SOX5: variants seen among roughly 807,000 people sequenced by gnomAD.
SOX5 encodes the protein SRY-box transcription factor 5, also known as transcription factor SOX-5.
In SOX5, 9 loss-of-function variants were observed where a neutral mutation model predicts 92.0. The observed-to-expected ratio is 0.10, with a 90% CI of 0.06 to 0.17. The LOEUF (loss-of-function observed/expected upper bound fraction) is 0.17. Ranked by LOEUF, SOX5 falls within the 10% of genes least tolerant of loss-of-function variation. The pLI is 1.00. For synonymous variants in SOX5, 344 were observed against 336.3 expected (o/e 1.02, Z -0.25); for missense variants, 642 against 944.5 (o/e 0.68, Z 4.20).
At chr12:24,450,051 T>C (rs1942045018) in intron 1 of SOX5, among the ~76,000 whole-genome samples, 1 of 152,212 alleles carries the variant, frequency 6.6e-6, no homozygotes, top group Non-Finnish European at 1.5e-5. Flanking sequence ...TTTGTCTCCT[T>C]AATGACAACA....
intron 2 of SOX5, among the ~76,000 whole-genome samples, chr12:23,847,816 A>G (rs1305259691): frequency 1.3e-5 from 2 of 152,186 alleles, no homozygotes; most frequent in Admixed American, 6.6e-5. Flanking sequence ...AGCTTATAAC[A>G]TACTTGGATT....
At chr12:24,312,380 T>A (rs1215159963) in intron 2 of SOX5, among the ~76,000 whole-genome samples, 1 of 152,228 alleles carries the variant, frequency 6.6e-6, no homozygotes, top group Non-Finnish European at 1.5e-5. Context: ...ATCATTGCAA[T>A]CCCTCCAATT....
chr12:24,187,413 A>G lies in SOX5; in HGVS notation c.-2+25930T>C, dbSNP rs188726544. On this transcript the variant is annotated intron_variant, in intron 4 of 4. Transcript: ENST00000446891. ...ATATTAAGATGCTGAAAGCAAGTTA[A>G]CTTATAGAAAAGTACAAAGTATTAC... is the stretch of plus-strand genomic sequence containing the variant. Among the ~76,000 whole-genome samples, 260 of 152,344 alleles carry G rather than the reference A, an allele frequency of 1.7e-3. 1 individual carries two copies. The highest frequency in any genetic ancestry group is 0.013 in the South Asian group (65 of 4,830).
In SOX5 at chr12:24,513,616, G is replaced by C. The variant is rs190871909; in HGVS notation, c.-251+48713C>G. ...ATCGGGGAACATCGCAAGAATACTT[G>C]AAGAAGAAATGCTAGAGCCACTCCC... On this transcript the variant is annotated intron_variant, in intron 1 of 4. Coordinates refer to the SOX5 transcript ENST00000446891. Among the ~76,000 whole-genome samples, 41 of 152,236 alleles carry C rather than the reference G, an allele frequency of 2.7e-4. No individual in the cohort carries two copies. The East Asian group carries it at 7.7e-3, about 29-fold the overall frequency.
intron 6 of SOX5, among the ~76,000 whole-genome samples, chr12:23,692,980 T>G (rs903676365): frequency 6.6e-6 from 1 of 152,220 alleles, no homozygotes; most frequent in African/African-American, 2.4e-5. Flanking sequence ...TCAATATAAC[T>G]CCTTAGCTTT....
intron 4 of SOX5, among the ~76,000 whole-genome samples, chr12:23,970,841 A>ATATATATATATATATATATATATATAATT: frequency 4.6e-5 from 1 of 21,882 alleles, no homozygotes; most frequent in African/African-American, 1.2e-4. Flanking sequence ...TATATATATA[A>ATATATATATATATATATATATATATAATT]TTTTTTTTTT....
At chr12:23,777,492 T>C (rs533903620) in intron 3 of SOX5, among the ~76,000 whole-genome samples, 1 of 152,326 alleles carries the variant, frequency 6.6e-6, no homozygotes, top group South Asian at 2.1e-4. Context: ...ATTCAGACTC[T>C]TTTTGGGTAC....
chr12:24,379,737 T>C (rs1336505148), intron 1 of SOX5, among the ~76,000 whole-genome samples: 1 of 152,096 alleles, frequency 6.6e-6, no homozygotes, highest in Non-Finnish European at 1.5e-5. Flanking sequence ...TTCCTGTCCT[T>C]TCCCCTCCTT....
chr12:24,158,706 A>C (rs1208739978), intron 4 of SOX5, among the ~76,000 whole-genome samples: 1 of 151,928 alleles, frequency 6.6e-6, no homozygotes, highest in Admixed American at 6.6e-5. Flanking sequence ...TTTGAGATAC[A>C]CCTCAAAAAG....
intron 3 of SOX5, among the ~76,000 whole-genome samples, chr12:23,778,333 A>G (rs2095171787): frequency 6.6e-6 from 1 of 152,336 alleles, no homozygotes. Context: ...TGAATGTGGA[A>G]GGTCTACAGA....
At position 23,962,446 on chromosome 12, in the gene SOX5, C is replaced by A. The variant is rs140858167; in HGVS notation, c.-1-66422G>T. On this transcript the variant is annotated intron_variant, in intron 4 of 4. Transcript: ENST00000446891. ...TCAATAAGAAAACATAGGGTCTCCACGTTAAAAATTATACATTAAAAAGGA... is the reference window on the plus strand; with the variant it reads ...TCAATAAGAAAACATAGGGTCTCCAAGTTAAAAATTATACATTAAAAAGGA... Among the ~76,000 whole-genome samples the A allele has an allele frequency of 6.9e-3, 1,046 of 151,974 alleles. 14 individuals are homozygous for A. Among genetic ancestry groups the A allele is most frequent in the African/African-American group, 0.024 (999 of 41,450 alleles).
rs556053873 is a variant in SOX5, at chr12:23,937,093, A to G, written c.38+12471T>C. Among the ~76,000 whole-genome samples, 4 of 151,196 alleles carry G rather than the reference A, an allele frequency of 2.6e-5. No homozygotes were observed. The East Asian group carries it at 7.8e-4, about 29-fold the overall frequency. The stretch of plus-strand genomic sequence containing the variant: ...ATTTTTCCATTCACACAACCTACAT[A>G]TATAACCTCAACAAATCAATAAGCT... On this transcript the variant is annotated intron_variant, in intron 1 of 14. Coordinates refer to ENST00000451604, the MANE Select transcript of SOX5 (RefSeq NM_006940.6).
chr12:23,866,156 TACAA>T (rs2096810437), intron 2 of SOX5, among the ~76,000 whole-genome samples: 1 of 152,192 alleles, frequency 6.6e-6, no homozygotes, highest in Non-Finnish European at 1.5e-5. Context: ...TACCTGTGTA[TACAA>T]ACATTTACAT....
At chr12:23,936,775 T>C (rs537906268) in intron 1 of SOX5, among the ~76,000 whole-genome samples, 9 of 151,228 alleles carry the variant, frequency 6.0e-5, no homozygotes, top group Admixed American at 3.3e-4. Context: ...ATATAGATTT[T>C]ATTTGTGCCA....
At chr12:24,271,755 T>C (rs989986782) in intron 3 of SOX5, among the ~76,000 whole-genome samples, 2 of 152,212 alleles carry the variant, frequency 1.3e-5, no homozygotes, top group African/African-American at 4.8e-5. Flanking sequence ...AGGACTGCCC[T>C]TATTAGAAAT....
At chr12:24,419,224 G>C (rs540957217) in intron 1 of SOX5, among the ~76,000 whole-genome samples, 38 of 152,056 alleles carry the variant, frequency 2.5e-4, no homozygotes, top group Admixed American at 2.6e-4. Context: ...CACCTCCTCG[G>C]TTAAGCAACT....
chr12:23,663,487 T>C (rs2083351054), intron 7 of SOX5, among the ~76,000 whole-genome samples: 1 of 152,162 alleles, frequency 6.6e-6, no homozygotes, highest in African/African-American at 2.4e-5. Context: ...CTAAATGTGG[T>C]TTTCTCTTCA....
intron 4 of SOX5, among the ~76,000 whole-genome samples, chr12:24,044,779 T>C (rs1013277262): frequency 3.3e-5 from 5 of 152,170 alleles, no homozygotes; most frequent in Admixed American, 2.6e-4. Flanking sequence ...TATTCTATTA[T>C]CCATCATAGT....
chr12:24,450,598 G>T (rs990494876), intron 1 of SOX5, among the ~76,000 whole-genome samples: 8 of 151,964 alleles, frequency 5.3e-5, no homozygotes, highest in Non-Finnish European at 4.4e-5. Flanking sequence ...AGGCTCAAGT[G>T]ATTCTCCTGC....
Sources: allele counts gnomAD v4.1 joint callset (sites outside exome capture counted in the v4.1 genomes callset), GRCh38; gene constraint gnomAD v4.1.1; transcripts MANE v1.5; gene names NCBI Gene and HGNC (gene_info 2026-07-23, HGNC 2026-07-21).